Variants in TVP23B observed in about 807,000 individuals in gnomAD.
The protein encoded by TVP23B is trans-golgi network vesicle protein 23 homolog B.
Under a neutral mutation model 30.6 loss-of-function variants are expected in TVP23B, and 10 were observed. That is an observed-to-expected ratio of 0.33 (90% CI 0.20 to 0.55). The LOEUF is 0.55. Ranked by LOEUF, TVP23B falls within the 20% of genes least tolerant of loss-of-function variation. The probability of loss-of-function intolerance (pLI) is 0.91; values close to 1 mark genes in which losing one functional copy is unlikely to be tolerated. For missense variants in TVP23B, 153 were observed against 243.2 expected (o/e 0.63, Z 2.47); for synonymous variants, 67 against 83.1 (o/e 0.81, Z 1.06).
At chr17:18,793,400 G>T (rs1272105880) in intron 3 of TVP23B, among the ~76,000 whole-genome samples, 1 of 146,322 alleles carries the variant, frequency 6.8e-6, no homozygotes, top group East Asian at 2.0e-4. Flanking sequence ...GAGGTCAGGA[G>T]ATCGAGACCA....
At chr17:18,795,873 C>T (rs1048329189) in intron 3 of TVP23B, 1 of 151,746 alleles carries the variant, frequency 6.6e-6, no homozygotes, top group African/African-American at 2.4e-5. Context: ...TCTTACTGTG[C>T]ATTATTTATA....
intron 4 of TVP23B, among the ~76,000 whole-genome samples, chr17:18,798,031 C>T (rs1225059570): frequency 6.6e-6 from 1 of 151,848 alleles, no homozygotes; most frequent in Non-Finnish European, 1.5e-5. Context: ...TGTCTTTGCT[C>T]CTGTGGTCGT....
Position 18,781,282 on chromosome 17 carries a change from C to T in TVP23B, c.-12C>T, listed in dbSNP as rs566408231. ...ACGTGGCTCCCGGAAGTAGGGCTGG[C>T]GTAGGGCCGCCATGTTGCAGCAGGT... On this transcript the variant is annotated 5_prime_UTR_variant, in exon 1 of 7. Coordinates refer to ENST00000307767, the MANE Select transcript of TVP23B (RefSeq NM_016078.6). The T allele has an allele frequency of 5.1e-6, 8 of 1,570,736 alleles. No homozygotes were observed. Among genetic ancestry groups the T allele is most frequent in the Admixed American group, 1.9e-5 (1 of 53,794 alleles).
At chr17:18,788,580 A>G (rs1354432109) in intron 1 of TVP23B, among the ~76,000 whole-genome samples, 1 of 151,870 alleles carries the variant, frequency 6.6e-6, no homozygotes, top group African/African-American at 2.4e-5. Context: ...TCAGGAGTTC[A>G]AGACCAGCCT....
At chr17:18,790,286 A>T (rs917041314) in intron 2 of TVP23B, among the ~76,000 whole-genome samples, 1 of 151,936 alleles carries the variant, frequency 6.6e-6, no homozygotes, top group Non-Finnish European at 1.5e-5. Context: ...AACATGGTGA[A>T]ACCCCATCTC....
At chr17:18,793,465 A>AT (rs1194739384) in intron 3 of TVP23B, among the ~76,000 whole-genome samples, 1 of 141,026 alleles carries the variant, frequency 7.1e-6, no homozygotes, top group Non-Finnish European at 1.5e-5. Context: ...AAAAAAAAAA[A>AT]TGAGCCGGGC....
chr17:18,795,675 G>A (rs1479424790), intron 3 of TVP23B: 1 of 152,152 alleles, frequency 6.6e-6, no homozygotes, highest in African/African-American at 2.4e-5. Context: ...TATTAGAAAA[G>A]TAAATTTCTG....
At chr17:18,789,631 G>T (rs1402244667) in intron 2 of TVP23B, 196 bp downstream of exon 2, 2 of 592,970 alleles carry the variant, frequency 3.4e-6, no homozygotes, top group Non-Finnish European at 5.7e-6. Flanking sequence ...ACTTAATACT[G>T]AGTTTTAAAA....
At chr17:18,798,040 G>T (rs1414901812) in intron 4 of TVP23B, among the ~76,000 whole-genome samples, 1 of 151,970 alleles carries the variant, frequency 6.6e-6, no homozygotes, top group Non-Finnish European at 1.5e-5. Flanking sequence ...TCCTGTGGTC[G>T]TCTTTCATTT....
intron 3 of TVP23B, among the ~76,000 whole-genome samples, chr17:18,792,425 A>C (rs560256501): frequency 1.8e-4 from 27 of 152,298 alleles, no homozygotes; most frequent in Admixed American, 1.7e-3. Context: ...AAGATTTCAA[A>C]GGTCTGTTTT....
chr17:18,788,107 C>T (rs2035935452), intron 1 of TVP23B, among the ~76,000 whole-genome samples: 4 of 150,158 alleles, frequency 2.7e-5, no homozygotes. Context: ...GAGGCCGAGG[C>T]GGCTGGATCA....
chr17:18,799,432 C>G (rs1044558575), intron 5 of TVP23B, among the ~76,000 whole-genome samples: 1 of 152,100 alleles, frequency 6.6e-6, no homozygotes, highest in Non-Finnish European at 1.5e-5. Context: ...TGGGCTTCTT[C>G]ATGGCATGGT....
In TVP23B at chr17:18,798,918, T is replaced by C. The variant is rs1158191407; in HGVS notation, c.437T>C (p.Leu146Pro). ...TGGGTGATATTTGCTTTTAGTGCAC[T>C]CTTCTCCTTCAGAGTAAAGTGGTTG... ...VLWVIFAFSA[L>P]FSFRVKWLAV... The change falls in exon 5 of 7, where the codon CTC becomes CCC. Residue 146 changes from leucine (L) to proline (P), a missense_variant. Coordinates refer to ENST00000307767, the MANE Select transcript of TVP23B (RefSeq NM_016078.6). 1.2e-5 allele frequency: 20 copies of C among 1,613,138 alleles called. No individual in the cohort carries two copies. Among genetic ancestry groups the C allele is most frequent in the Non-Finnish European group, 1.7e-5 (20 of 1,179,712 alleles).
intron 1 of TVP23B, among the ~76,000 whole-genome samples, chr17:18,784,355 A>ACAGTGGTCATGGCTGGGTG (rs2035868067): frequency 6.6e-6 from 1 of 152,156 alleles, no homozygotes; most frequent in Admixed American, 6.5e-5. Context: ...TGTTAAAAAT[A>ACAGTGGTCATGGCTGGGTG]CAGTGGTCAT....
rs906127323 is a variant in TVP23B, at chr17:18,806,143, T to C, written c.*576T>C. The C allele has an allele frequency of 3.9e-5, 35 of 903,346 alleles. No individual in the cohort carries two copies. The highest frequency in any genetic ancestry group is 4.4e-5 in the Non-Finnish European group (33 of 755,170). The allele number at this position is 903,346 out of a possible 1,614,324, so 56.0% of individuals were successfully genotyped here. A position where few individuals can be genotyped will look rare whatever the true frequency, so the allele number is the denominator to read the frequency against. On this transcript the variant is annotated 3_prime_UTR_variant, in exon 7 of 7. Transcript: ENST00000307767. The stretch of plus-strand genomic sequence containing the variant: ...TTAGGGCCAGTGGTATTAACTACTT[T>C]ATAAAATTTTATTTTTGTTTGTAAG...
rs1290795544 is a variant in TVP23B at position 18,781,298 on chromosome 17, T to G, written c.5T>G (p.Leu2Trp). ...TAGGGCTGGCGTAGGGCCGCCATGT[T>G]GCAGCAGGTGAGGGGCTGAGGGCTC... M[L>W]QQDSNDDTED... Residue 2 changes from leucine (L) to tryptophan (W), a missense_variant, in exon 1 of 7, where the codon TTG (leucine) becomes TGG (tryptophan). Transcript: ENST00000307767. The G allele has an allele frequency of 1.9e-6, 3 of 1,578,524 alleles. No homozygotes were observed. In the African/African-American group the frequency reaches 4.0e-5, roughly 21 times the overall value.
chr17:18,789,158 C>G, intron 1 of TVP23B, 195 bp from the exon 2 acceptor site: 1 of 827,818 alleles, frequency 1.2e-6, no homozygotes, highest in Non-Finnish European at 1.8e-6. Flanking sequence ...TTCGATTATT[C>G]TCTGGGTTTT....
intron 3 of TVP23B, among the ~76,000 whole-genome samples, chr17:18,793,611 A>G (rs1482385878): frequency 6.6e-6 from 1 of 151,702 alleles, no homozygotes; most frequent in East Asian, 1.9e-4. Flanking sequence ...AAAAAAAAAA[A>G]ATAATGGCAA....
At chr17:18,784,185 A>T (rs2035864493) in intron 1 of TVP23B, among the ~76,000 whole-genome samples, 1 of 151,520 alleles carries the variant, frequency 6.6e-6, no homozygotes, top group Non-Finnish European at 1.5e-5. Context: ...TTGACACCAC[A>T]TGCTCTTTCA....
Sources: allele counts gnomAD v4.1 joint callset (sites outside exome capture counted in the v4.1 genomes callset), GRCh38; gene constraint gnomAD v4.1.1; transcripts MANE v1.5; gene names NCBI Gene and HGNC (gene_info 2026-07-23, HGNC 2026-07-21).